Variants in CERS6 observed in about 807,000 individuals in gnomAD.
CERS6 encodes the protein ceramide synthase 6.
Under a neutral mutation model 56.8 loss-of-function variants are expected in CERS6, and 26 were observed. The observed-to-expected ratio is 0.46, with a 90% CI of 0.34 to 0.63. CERS6 has a LOEUF of 0.63. CERS6 is among the 30% of genes least tolerant of loss of function. The pLI is 0.01. For synonymous variants in CERS6, 164 were observed against 173.3 expected, an observed-to-expected ratio of 0.95 and a Z score of 0.42; for missense variants, 415 against 467.5, an observed-to-expected ratio of 0.89 and a Z score of 1.04.
At chr2:168,752,095 A>G (rs1250741417) in intron 8 of CERS6, among the ~76,000 whole-genome samples, 2 of 152,036 alleles carry the variant, frequency 1.3e-5, no homozygotes, top group African/African-American at 4.8e-5. Context: ...TTCATTTTAG[A>G]TGTCATTTTT....
rs1349383245 is a variant in CERS6, at chr2:168,456,763, C to T, written c.170+145C>T. 2.2e-5 allele frequency: 16 copies of T among 713,700 alleles called. No homozygotes were observed. In the Admixed American group the frequency reaches 3.8e-4, roughly 17 times the overall value. 44.2% of individuals were successfully genotyped at this position (713,700 alleles called of 1,614,324 possible). ...TTTGTGTTCGGGGAGGGGTTGCTGA[C>T]CCCCCTGCCCCGCTGGCTTTCTGGG... On this transcript the variant is annotated intron_variant, in intron 1 of 9. Coordinates refer to ENST00000305747, the MANE Select transcript of CERS6 (RefSeq NM_203463.3). This position sits in a 1 kb window ranked among gnomAD's most constrained non-coding sequence, Gnocchi z 4.1.
chr2:168,592,087 G>A (rs1340887452), intron 3 of CERS6, among the ~76,000 whole-genome samples: 1 of 152,060 alleles, frequency 6.6e-6, no homozygotes. Flanking sequence ...TTAGGAGGGG[G>A]GATGAGAATA....
chr2:168,647,710 T>A (rs1685239906), intron 4 of CERS6, among the ~76,000 whole-genome samples: 1 of 152,216 alleles, frequency 6.6e-6, no homozygotes, highest in African/African-American at 2.4e-5. Flanking sequence ...TACTGAGAAT[T>A]TTTAACATGA....
chr2:168,736,480 G>C (rs1213218501), intron 8 of CERS6, among the ~76,000 whole-genome samples: 3 of 151,636 alleles, frequency 2.0e-5, no homozygotes, highest in South Asian at 2.1e-4. Flanking sequence ...CGTGTCCACT[G>C]TGCCCAGCTA....
chr2:168,563,965 A>G (rs1252233507), intron 3 of CERS6, among the ~76,000 whole-genome samples: 4 of 152,124 alleles, frequency 2.6e-5, no homozygotes, highest in Admixed American at 1.3e-4. Context: ...TATAGTATTG[A>G]TGAAGTTTTG....
chr2:168,486,814 C>T (rs1293010253), intron 1 of CERS6, among the ~76,000 whole-genome samples: 1 of 152,136 alleles, frequency 6.6e-6, no homozygotes, highest in East Asian at 1.9e-4. Flanking sequence ...TTCACTCCTC[C>T]AAACATTCCT....
chr2:168,536,747 A>G (rs1695270896), intron 1 of CERS6, among the ~76,000 whole-genome samples: 1 of 152,182 alleles, frequency 6.6e-6, no homozygotes, highest in South Asian at 2.1e-4. Flanking sequence ...AAGTATAAAG[A>G]AAGATCTGGT....
intron 1 of CERS6, among the ~76,000 whole-genome samples, chr2:168,530,326 A>G (rs927862674): frequency 6.6e-6 from 1 of 152,248 alleles, no homozygotes; most frequent in African/African-American, 2.4e-5. Flanking sequence ...CTCCATGTGC[A>G]GAGAAGATAC....
chr2:168,631,775 A>G (rs1369337938), intron 4 of CERS6, among the ~76,000 whole-genome samples: 1 of 127,042 alleles, frequency 7.9e-6, no homozygotes, highest in Non-Finnish European at 1.6e-5. Flanking sequence ...TATAATAAAG[A>G]AATGTATATT....
At chr2:168,571,750 GTAA>G (rs1174885894) in intron 3 of CERS6, among the ~76,000 whole-genome samples, 10 of 152,284 alleles carry the variant, frequency 6.6e-5, no homozygotes, top group African/African-American at 2.4e-4. Context: ...CATGCCACAT[GTAA>G]TAATCAGATC....
chr2:168,655,800 G>C (rs1476673700), intron 4 of CERS6, among the ~76,000 whole-genome samples: 1 of 152,206 alleles, frequency 6.6e-6, no homozygotes, highest in Non-Finnish European at 1.5e-5. Context: ...CTAATGTATA[G>C]CATGAGGACT....
Position 168,540,708 on chromosome 2 carries a change from A to G in CERS6, c.171-6888A>G, listed in dbSNP as rs79921515. ...GTTATTGCACTGTCGTTGAGCCTTCATAATTTCTGATGAGAAGAGCATTGT... is the reference window on the plus strand; with the variant it reads ...GTTATTGCACTGTCGTTGAGCCTTCGTAATTTCTGATGAGAAGAGCATTGT... On this transcript the variant is annotated intron_variant, in intron 1 of 9. Coordinates refer to ENST00000305747, the MANE Select transcript of CERS6 (RefSeq NM_203463.3). Among the ~76,000 whole-genome samples the G allele has an allele frequency of 4.5e-3, 683 of 152,364 alleles. 5 individuals carry two copies. Among genetic ancestry groups the G allele is most frequent in the Non-Finnish European group, 6.5e-3 (443 of 68,038 alleles).
Position 168,657,517 on chromosome 2 carries a change from A to G in CERS6, c.465+26475A>G, listed in dbSNP as rs530990854. Among the ~76,000 whole-genome samples the G allele has an allele frequency of 6.0e-3, 920 of 152,326 alleles. 6 individuals are homozygous for G. Among genetic ancestry groups the G allele is most frequent in the African/African-American group, 0.019 (792 of 41,574 alleles). Reference sequence around the variant, plus strand: ...GGAGCTCGTCGGGGAGGCTCGGGCCACACAGGAGCCCATGGAGTGGGTGGG... The same window carrying G: ...GGAGCTCGTCGGGGAGGCTCGGGCCGCACAGGAGCCCATGGAGTGGGTGGG... On this transcript the variant is annotated intron_variant, in intron 4 of 9. Coordinates refer to ENST00000305747, the MANE Select transcript of CERS6 (RefSeq NM_203463.3).
intron 3 of CERS6, among the ~76,000 whole-genome samples, chr2:168,596,818 C>T (rs1683811609): frequency 6.6e-6 from 1 of 152,146 alleles, no homozygotes; most frequent in African/African-American, 2.4e-5. Flanking sequence ...AGGTGTGAAC[C>T]ACCATGCCCG....
intron 6 of CERS6, among the ~76,000 whole-genome samples, chr2:168,708,931 T>G (rs1574179299): frequency 6.6e-6 from 1 of 152,132 alleles, no homozygotes; most frequent in Non-Finnish European, 1.5e-5. Flanking sequence ...TTATTTTTAA[T>G]GAAAAATGGG....
At chr2:168,685,179 C>T (rs1686316558) in intron 4 of CERS6, among the ~76,000 whole-genome samples, 1 of 152,150 alleles carries the variant, frequency 6.6e-6, no homozygotes, top group South Asian at 2.1e-4. Flanking sequence ...TGAAATTTGC[C>T]TCAAGATGCT....
intron 4 of CERS6, among the ~76,000 whole-genome samples, chr2:168,683,789 A>G (rs922906116): frequency 1.3e-4 from 20 of 152,302 alleles, no homozygotes; most frequent in South Asian, 8.3e-4. Flanking sequence ...TTCAAGCGCC[A>G]TATCCCCAGA....
At chr2:168,718,001 T>C in intron 8 of CERS6, 23 bp downstream of exon 8, 1 of 1,497,770 alleles carries the variant, frequency 6.7e-7, no homozygotes, top group African/African-American at 1.4e-5. Context: ...GTCTCCTTCC[T>C]GATAGAGCCA....
intron 4 of CERS6, among the ~76,000 whole-genome samples, chr2:168,640,235 A>G (rs1391101988): frequency 6.6e-6 from 1 of 152,186 alleles, no homozygotes; most frequent in Non-Finnish European, 1.5e-5. Flanking sequence ...TGCCCTTAGG[A>G]CCGTGTACTT....
Sources: gnomAD v4.1 joint callset for allele counts (sites outside exome capture counted in the v4.1 genomes callset) on GRCh38, gnomAD v4.1.1 for gene constraint, Gnocchi (gnomAD v3.1) non-coding constraint, MANE v1.5 for transcripts, NCBI Gene and HGNC (gene_info 2026-07-23, HGNC 2026-07-21) for gene names.